MARCHF2: variants seen among roughly 807,000 people sequenced by gnomAD.
The protein encoded by MARCHF2 is E3 ubiquitin-protein ligase MARCHF2.
A neutral mutation model predicts 24.0 loss-of-function variants in MARCHF2; 22 were observed. That is an observed-to-expected ratio of 0.92 (90% CI 0.66 to 1.31). The LOEUF is 1.31. MARCHF2 is among the 50% of genes most tolerant of loss of function. The pLI is 0.00. For synonymous variants in MARCHF2, 154 were observed against 153.0 expected (o/e 1.01, Z -0.05); for missense variants, 301 against 335.3 (o/e 0.90, Z 0.80).
intron 3 of MARCHF2, among the ~76,000 whole-genome samples, chr19:8,429,915 C>G (rs1190582092): frequency 6.6e-6 from 1 of 151,168 alleles, no homozygotes; most frequent in African/African-American, 2.4e-5. Flanking sequence ...CAAGACTTCC[C>G]AGGTTGGAAC....
intron 3 of MARCHF2, 64 bp downstream of exon 3, chr19:8,426,868 C>A: frequency 6.8e-7 from 1 of 1,479,682 alleles, no homozygotes; most frequent in Non-Finnish European, 9.3e-7. Context: ...GGGCCAAAGG[C>A]AGGAGCTGCC....
rs763102811 is a variant in MARCHF2 at position 8,426,644 on chromosome 19, C to T, written c.212C>T (p.Ala71Val). The stretch of plus-strand genomic sequence containing the variant: ...TTCTGCCGGATCTGCCATGAGGGAG[C>T]GAACGGGGAGTGCTTGCTGTCCCCG... The part of the protein sequence containing the change: ...GPFCRICHEG[A>V]NGECLLSPCG... Residue 71 changes from alanine (A) to valine (V), a missense_variant, in exon 3 of 5, where the codon GCG becomes GTG. Ala to Val is a moderately conservative substitution (Grantham distance 64). Transcript: ENST00000215555. 5.8e-5 allele frequency: 94 copies of T among 1,613,970 alleles called. No homozygotes were observed. Among genetic ancestry groups the T allele is most frequent in the Non-Finnish European group, 7.6e-5 (90 of 1,179,992 alleles).
intron 2 of MARCHF2, 132 bp downstream of exon 2, chr19:8,422,148 C>A (rs2145545243): frequency 1.1e-6 from 1 of 947,592 alleles, no homozygotes; most frequent in South Asian, 1.9e-5. Context: ...GAAAGAGACA[C>A]AAACAGTTAT....
chr19:8,418,070 C>T (rs1475326406), intron 1 of MARCHF2, among the ~76,000 whole-genome samples: 2 of 151,754 alleles, frequency 1.3e-5, no homozygotes, highest in Non-Finnish European at 2.9e-5. Flanking sequence ...GGCCAAGACC[C>T]TGTCTTAAAA....
intron 1 of MARCHF2, among the ~76,000 whole-genome samples, chr19:8,416,045 A>G (rs911217143): frequency 1.3e-5 from 2 of 152,018 alleles, no homozygotes; most frequent in African/African-American, 4.8e-5. Context: ...GTGAGGATTG[A>G]GAAATGACTA....
At chr19:8,429,631 A>G (rs1395564196) in intron 3 of MARCHF2, among the ~76,000 whole-genome samples, 1 of 151,390 alleles carries the variant, frequency 6.6e-6, no homozygotes, top group Non-Finnish European at 1.5e-5. Flanking sequence ...CAGCCTCCTG[A>G]GTAGCTGGGA....
chr19:8,428,063 T>A (rs1052348459), intron 3 of MARCHF2, among the ~76,000 whole-genome samples: 4 of 151,718 alleles, frequency 2.6e-5, no homozygotes, highest in Admixed American at 6.6e-5. Context: ...GATCAAGACC[T>A]TCCTGGCTAA....
intron 1 of MARCHF2, among the ~76,000 whole-genome samples, chr19:8,419,518 TA>T (rs1331289838): frequency 7.5e-6 from 1 of 133,614 alleles, no homozygotes; most frequent in Non-Finnish European, 1.6e-5. Flanking sequence ...TAAAATACAA[TA>T]AAAATAAAAA....
chr19:8,424,900 T>G (rs1312611933), intron 2 of MARCHF2, among the ~76,000 whole-genome samples: 8 of 152,092 alleles, frequency 5.3e-5, no homozygotes, highest in Admixed American at 5.3e-4. Flanking sequence ...CAGGGGTGCG[T>G]GCTGTTCTAT....
intron 1 of MARCHF2, among the ~76,000 whole-genome samples, chr19:8,421,384 T>TTC (rs1967236696): frequency 7.8e-6 from 1 of 127,894 alleles, no homozygotes; most frequent in East Asian, 2.0e-4. Flanking sequence ...TTTCTTTTCT[T>TTC]TTTTTTTTTT....
chr19:8,424,594 G>A (rs1161084860), intron 2 of MARCHF2, among the ~76,000 whole-genome samples: 1 of 152,000 alleles, frequency 6.6e-6, no homozygotes, highest in Non-Finnish European at 1.5e-5. Flanking sequence ...ATGAACCTGG[G>A]AGGTCGAGCT....
intron 3 of MARCHF2, among the ~76,000 whole-genome samples, chr19:8,429,007 G>C (rs2145560868): frequency 6.6e-6 from 1 of 151,708 alleles, no homozygotes; most frequent in East Asian, 2.0e-4. Context: ...GAGAAAAGTG[G>C]GAGGGAGGTC....
At chr19:8,423,116 G>T (rs1209539541) in intron 2 of MARCHF2, among the ~76,000 whole-genome samples, 1 of 150,152 alleles carries the variant, frequency 6.7e-6, no homozygotes, top group Non-Finnish European at 1.5e-5. Flanking sequence ...CTGGAGTGCA[G>T]TGGCATGATC....
intron 4 of MARCHF2, among the ~76,000 whole-genome samples, chr19:8,434,929 C>T (rs1322723027): frequency 6.6e-6 from 1 of 151,488 alleles, no homozygotes; most frequent in Non-Finnish European, 1.5e-5. Context: ...TGGTCTCGAA[C>T]TCCTGGACTC....
At chr19:8,415,739 A>AAAAC (rs1967066451) in intron 1 of MARCHF2, among the ~76,000 whole-genome samples, 3 of 96,800 alleles carry the variant, frequency 3.1e-5, no homozygotes, top group African/African-American at 1.2e-4. Context: ...AAAAAACAAA[A>AAAAC]AAAACAAAAA....
intron 1 of MARCHF2, among the ~76,000 whole-genome samples, chr19:8,420,665 T>C (rs74256561): frequency 0.27 from 40,289 of 151,982 alleles, 6,115 homozygotes; most frequent in South Asian, 0.34. Context: ...CTTCTCTTTT[T>C]TAGAGACAGG....
chr19:8,421,460 CT>C (rs1186644285), intron 1 of MARCHF2, among the ~76,000 whole-genome samples: 11 of 145,584 alleles, frequency 7.6e-5, no homozygotes, highest in Non-Finnish European at 1.5e-4. Flanking sequence ...ATCTCTTGAC[CT>C]CGTGATCCAC....
chr19:8,436,468 G>A (rs917457916), intron 4 of MARCHF2, among the ~76,000 whole-genome samples: 2 of 151,766 alleles, frequency 1.3e-5, no homozygotes, highest in South Asian at 2.1e-4. Flanking sequence ...GAGTAGTTTC[G>A]TTGCCCTAAA....
rs138220132 is a variant in MARCHF2, at chr19:8,430,230, G to A, written c.373-428G>A. Among the ~76,000 whole-genome samples, 6,333 of 152,188 alleles carry A rather than the reference G, an allele frequency of 0.042. 319 individuals carry two copies. Among genetic ancestry groups the A allele is most frequent in the African/African-American group, 0.11 (4,725 of 41,514 alleles). ...AATACAAAATTAGCAGGGCATGGTG[G>A]CGCTTGCCTATAATCCCAGCTACTC... On this transcript the variant is annotated intron_variant, in intron 3 of 4. Coordinates refer to ENST00000215555, the MANE Select transcript of MARCHF2 (RefSeq NM_001005415.2). This position sits in a 1 kb window ranked among gnomAD's most constrained non-coding sequence, Gnocchi z 4.4.
Sources: allele counts gnomAD v4.1 joint callset (sites outside exome capture counted in the v4.1 genomes callset), GRCh38; gene constraint gnomAD v4.1.1; non-coding constraint Gnocchi (gnomAD v3.1); transcripts MANE v1.5; gene names NCBI Gene and HGNC (gene_info 2026-07-23, HGNC 2026-07-21).